PTPRU: variants seen among roughly 807,000 people sequenced by gnomAD.
PTPRU encodes the protein receptor-type tyrosine-protein phosphatase U.
PTPRU carries 69 observed loss-of-function variants against 166.3 expected under a neutral mutation model. The observed-to-expected ratio is 0.41, with a 90% CI of 0.34 to 0.51. The LOEUF (loss-of-function observed/expected upper bound fraction) is 0.51. Among genes scored for constraint, PTPRU ranks in the 20% least tolerant of loss-of-function variants. PTPRU has a pLI of 0.09. For synonymous variants in PTPRU, 793 were observed against 814.0 expected, an observed-to-expected ratio of 0.97 and a Z score of 0.44; for missense variants, 1,657 against 2,013.7, an observed-to-expected ratio of 0.82 and a Z score of 3.39.
Position 29,325,622 on chromosome 1 carries a change from T to A in PTPRU, c.4272T>A (p.Asp1424Glu). 1 of 1,613,072 alleles carries A rather than the reference T, an allele frequency of 6.2e-7. No homozygotes were observed. The highest frequency in any genetic ancestry group is 8.5e-7 in the Non-Finnish European group (1 of 1,179,226). ...AGGATCAGTACCACTTTTGCTACGA[T>A]GTGGCCCTGGAGTACTTGGAGGGGC... is the stretch of plus-strand genomic sequence containing the variant. ...ETMDQYHFCY[D>E]VALEYLEGLE... The change falls in exon 30 of 30, where the codon GAT becomes GAA. Residue 1424 changes from aspartate to glutamate, a missense_variant. Coordinates refer to ENST00000373779, the MANE Select transcript of PTPRU (RefSeq NM_133178.4).
rs1277886808 is a variant in PTPRU at position 29,236,619 on chromosome 1, C to T, written c.-26C>T. 1.1e-5 allele frequency: 13 copies of T among 1,230,158 alleles called. No individual in the cohort carries two copies. Among genetic ancestry groups the T allele is most frequent in the East Asian group, 3.2e-5 (1 of 31,056 alleles). 76.2% of individuals were successfully genotyped at this position (1,230,158 alleles called of 1,614,324 possible). On this transcript the variant is annotated 5_prime_UTR_variant, in exon 1 of 30. Coordinates refer to ENST00000373779, the MANE Select transcript of PTPRU (RefSeq NM_133178.4). This position sits in a 1 kb window ranked among gnomAD's most constrained non-coding sequence, Gnocchi z 4.6. Reference sequence around the variant, plus strand: ...GGGGCGGCGTCCCCCGCGCCGGGCCCCGGGACGGGCGGCGACGCTCCAACC... The same window carrying T: ...GGGGCGGCGTCCCCCGCGCCGGGCCTCGGGACGGGCGGCGACGCTCCAACC...
chr1:29,258,360 G>T, intron 2 of PTPRU, 145 bp from the exon 3 acceptor site: 2 of 838,516 alleles, frequency 2.4e-6, no homozygotes, highest in South Asian at 1.7e-5. Flanking sequence ...ACTCACCCAG[G>T]GAGGTGGAGC....
At chr1:29,253,283 A>T (rs1297323828) in intron 1 of PTPRU, among the ~76,000 whole-genome samples, 3 of 152,180 alleles carry the variant, frequency 2.0e-5, no homozygotes, top group Non-Finnish European at 4.4e-5. Context: ...TCCTTACATA[A>T]GCATGATGGA....
chr1:29,284,614 T>G, intron 13 of PTPRU, 117 bp from the exon 14 acceptor site: 1 of 1,417,190 alleles, frequency 7.1e-7, no homozygotes, highest in Non-Finnish European at 9.9e-7. Flanking sequence ...GGACACACAT[T>G]GAGGATGTAG....
intron 14 of PTPRU, among the ~76,000 whole-genome samples, chr1:29,289,147 G>A (rs1240011412): frequency 6.6e-6 from 1 of 152,104 alleles, no homozygotes; most frequent in Admixed American, 6.5e-5. Flanking sequence ...GAGGGTGGGG[G>A]ATGAGAACAG....
rs369208743 is a variant in PTPRU at position 29,304,742 on chromosome 1, C to G, written c.2668-32C>G. On this transcript the variant is annotated intron_variant, in intron 16 of 29. Coordinates refer to ENST00000373779, the MANE Select transcript of PTPRU (RefSeq NM_133178.4). ...AGGGGCCCTCAGTGAGGGTCCCTCT[C>G]TCCCACTGACCACCACTTTTCTTTC... 6.4e-6 allele frequency: 10 copies of G among 1,567,964 alleles called. No individual in the cohort carries two copies. In the South Asian group the frequency reaches 1.0e-4, roughly 16 times the overall value.
At position 29,315,279 on chromosome 1, in the gene PTPRU, G is replaced by A. The variant is rs763252922; in HGVS notation, c.3228-93G>A. 7.3e-6 allele frequency: 11 copies of A among 1,511,186 alleles called. No individual in the cohort carries two copies. Among genetic ancestry groups the A allele is most frequent in the South Asian group, 3.5e-5 (3 of 85,756 alleles). The allele number at this position is 1,511,186 out of a possible 1,614,324, so 93.6% of individuals were successfully genotyped here. ...TCTGTGTCCGTGTCCCCTGTATGGTGTAGACATGGCCAGTGCCCTCCTCTC... is the reference window on the plus strand; with the variant it reads ...TCTGTGTCCGTGTCCCCTGTATGGTATAGACATGGCCAGTGCCCTCCTCTC... On this transcript the variant is annotated intron_variant, in intron 22 of 29. Coordinates refer to ENST00000373779, the MANE Select transcript of PTPRU (RefSeq NM_133178.4). This position sits in a 1 kb window ranked among gnomAD's most constrained non-coding sequence, Gnocchi z 4.5.
Position 29,317,770 on chromosome 1 carries a change from C to T in PTPRU, c.3536C>T (p.Pro1179Leu), listed in dbSNP as rs757559165. 193 of 1,610,914 alleles carry T rather than the reference C, an allele frequency of 1.2e-4. No homozygotes were observed. Among genetic ancestry groups the T allele is most frequent in the Non-Finnish European group, 1.6e-4 (185 of 1,179,856 alleles). The change falls in exon 25 of 30, where the codon CCG becomes CTG. Residue 1179 changes from proline (P) to leucine (L), a missense_variant. This residue lies in a region of PTPRU where 1,190 missense variants were observed against 1,477.4 expected (regional missense o/e 0.81). Coordinates refer to ENST00000373779, the MANE Select transcript of PTPRU (RefSeq NM_133178.4). This position sits in a 1 kb window ranked among gnomAD's most constrained non-coding sequence, Gnocchi z 5.6. ...TAGACGCTGAACTCGGTCACCCCGC[C>T]GCTGGACGTGGAGGAGTGCAGCATC... Reference protein sequence around the residue: ...EFQTLNSVTPPLDVEECSIAL... With the variant: ...EFQTLNSVTPLLDVEECSIAL...
At chr1:29,307,175 C>G in intron 18 of PTPRU, 2 of 1,604,730 alleles carry the variant, frequency 1.2e-6, no homozygotes, top group Non-Finnish European at 1.7e-6. Context: ...TTCTCCTCCT[C>G]CTCCTCTTCC....
intron 7 of PTPRU, among the ~76,000 whole-genome samples, chr1:29,265,047 G>A (rs1018980216): frequency 7.2e-5 from 11 of 152,124 alleles, no homozygotes; most frequent in African/African-American, 2.7e-4. Context: ...ATTATTACAA[G>A]TAAAGCTTCT....
chr1:29,311,598 G>T lies in PTPRU; in HGVS notation c.2955+45G>T, dbSNP rs367635121. ...GAGCTGGGGCGCATGGCAGGCCAAGGGGGCAGCAAAGAGCCCACTGAGTCC... is the reference window on the plus strand; with the variant it reads ...GAGCTGGGGCGCATGGCAGGCCAAGTGGGCAGCAAAGAGCCCACTGAGTCC... On this transcript the variant is annotated intron_variant, in intron 20 of 29. Transcript: ENST00000373779. This position sits in a 1 kb window ranked among gnomAD's most constrained non-coding sequence, Gnocchi z 4.1. 17 of 1,613,898 alleles carry T rather than the reference G, an allele frequency of 1.1e-5. No homozygotes were observed. The highest frequency in any genetic ancestry group is 1.4e-5 in the Non-Finnish European group (17 of 1,179,858).
intron 18 of PTPRU, among the ~76,000 whole-genome samples, chr1:29,309,204 G>A (rs920102183): frequency 2.6e-5 from 4 of 152,180 alleles, no homozygotes; most frequent in African/African-American, 9.7e-5. Context: ...CCAAGAGCCT[G>A]GCTACTCAGG....
At position 29,317,963 on chromosome 1, in the gene PTPRU, C is replaced by T; in HGVS notation, c.3687+42C>T. Reference sequence around the variant, plus strand: ...GAGTGGGCTCTGGGGCTCCCCTTCCCAGCAGCATCAGGGAAGGTCCAGGGG... The same window carrying T: ...GAGTGGGCTCTGGGGCTCCCCTTCCTAGCAGCATCAGGGAAGGTCCAGGGG... On this transcript the variant is annotated intron_variant, in intron 25 of 29. Coordinates refer to ENST00000373779, the MANE Select transcript of PTPRU (RefSeq NM_133178.4). The surrounding 1 kb of genome is among the most constrained non-coding windows in gnomAD (Gnocchi z 5.6). The T allele has an allele frequency of 1.2e-6, 2 of 1,603,928 alleles. No homozygotes were observed. The highest frequency in any genetic ancestry group is 1.7e-6 in the Non-Finnish European group (2 of 1,174,210).
chr1:29,325,202 G>A lies in PTPRU; in HGVS notation c.4124G>A (p.Gly1375Glu). ...RTIVHCLNGG[G>E]RSGTFCACAT... ...CATCTCTCATTCAGAAACGGGGGAG[G>A]ACGCAGCGGCACCTTCTGCGCCTGC... The change falls in exon 29 of 30, where the codon GGA becomes GAA. Residue 1375 changes from glycine to glutamate, a missense_variant. Transcript: ENST00000373779. 1 of 1,614,206 alleles carries A rather than the reference G, an allele frequency of 6.2e-7. No homozygotes were observed. Among genetic ancestry groups the A allele is most frequent in the Non-Finnish European group, 8.5e-7 (1 of 1,180,032 alleles).
intron 8 of PTPRU, among the ~76,000 whole-genome samples, chr1:29,277,235 G>A (rs1685845452): frequency 6.6e-6 from 1 of 152,146 alleles, no homozygotes; most frequent in African/African-American, 2.4e-5. Context: ...TGAGTAGCTG[G>A]GATTTCAGGT....
At position 29,282,973 on chromosome 1, in the gene PTPRU, G is replaced by A. The variant is rs754597343; in HGVS notation, c.2142+24G>A. On this transcript the variant is annotated intron_variant, in intron 12 of 29. Coordinates refer to ENST00000373779, the MANE Select transcript of PTPRU (RefSeq NM_133178.4). The stretch of plus-strand genomic sequence containing the variant: ...GGGTGAGGGACCGGCCAGGGTCATG[G>A]TGGGCGTGGTTGGGTGTGGGGGGAT... 4.4e-6 allele frequency: 7 copies of A among 1,597,080 alleles called. No individual in the cohort carries two copies. In the South Asian group the frequency reaches 6.7e-5, roughly 15 times the overall value.
chr1:29,264,173 C>CA (rs145542565), intron 7 of PTPRU, among the ~76,000 whole-genome samples: 19 of 146,114 alleles, frequency 1.3e-4, no homozygotes, highest in East Asian at 4.0e-4. Context: ...GATTCTGTCT[C>CA]AAAAAAAAAA....
At chr1:29,305,562 T>G in intron 18 of PTPRU, 134 bp downstream of exon 18, 1 of 927,736 alleles carries the variant, frequency 1.1e-6, no homozygotes, top group South Asian at 1.3e-5. Context: ...ATCTCTGCAG[T>G]CAGTGCCAGG....
chr1:29,308,113 A>G (rs12743391), intron 18 of PTPRU, among the ~76,000 whole-genome samples: 40,885 of 151,374 alleles, frequency 0.27, 8,007 homozygotes, highest in African/African-American at 0.55. Context: ...GCTATTCTCT[A>G]ATTTGATTTC....
Sources: allele counts gnomAD v4.1 joint callset (sites outside exome capture counted in the v4.1 genomes callset), GRCh38; gene constraint gnomAD v4.1.1; regional missense constraint gnomAD v4.1.1; non-coding constraint Gnocchi (gnomAD v3.1); transcripts MANE v1.5; gene names NCBI Gene and HGNC (gene_info 2026-07-23, HGNC 2026-07-21).